Variants in RBM33 observed in about 807,000 individuals in gnomAD.
The protein encoded by RBM33 is RNA-binding protein 33.
In RBM33, 28 loss-of-function variants were observed where a neutral mutation model predicts 132.6. That is an observed-to-expected ratio of 0.21 (90% CI 0.16 to 0.29). The LOEUF is 0.29. Ranked by LOEUF, RBM33 falls within the 10% of genes least tolerant of loss-of-function variation. RBM33 has a pLI of 1.00. For synonymous variants in RBM33, 634 were observed against 593.0 expected, an observed-to-expected ratio of 1.07 and a Z score of -1.01; for missense variants, 1,291 against 1,518.5, an observed-to-expected ratio of 0.85 and a Z score of 2.49.
chr7:155,765,041 T>C (rs908066954), intron 15 of RBM33, among the ~76,000 whole-genome samples: 1 of 152,206 alleles, frequency 6.6e-6, no homozygotes, highest in African/African-American at 2.4e-5. Flanking sequence ...TCAGGTGCCA[T>C]CCCTGAATAT....
intron 13 of RBM33, among the ~76,000 whole-genome samples, chr7:155,742,533 T>G (rs1801383022): frequency 6.6e-6 from 1 of 152,196 alleles, no homozygotes; most frequent in African/African-American, 2.4e-5. Flanking sequence ...TAAAACCAGG[T>G]GGTGGACCGG....
chr7:155,744,617 G>C (rs1801454110), intron 13 of RBM33, among the ~76,000 whole-genome samples: 2 of 152,218 alleles, frequency 1.3e-5, no homozygotes, highest in South Asian at 2.1e-4. Flanking sequence ...GATAAAACCT[G>C]TGTGACAGCA....
intron 5 of RBM33, among the ~76,000 whole-genome samples, chr7:155,687,727 A>G (rs1305226416): frequency 2.6e-5 from 4 of 152,230 alleles, no homozygotes; most frequent in African/African-American, 9.6e-5. Flanking sequence ...CATTTATTAA[A>G]TAGGGGATCC....
intron 1 of RBM33, among the ~76,000 whole-genome samples, chr7:155,648,933 TTC>T (rs1798276307): frequency 6.6e-6 from 1 of 152,228 alleles, no homozygotes. Context: ...GTATTCAAGA[TTC>T]TCTTTGTCTT....
intron 9 of RBM33, among the ~76,000 whole-genome samples, chr7:155,726,932 C>A (rs1294058402): frequency 6.6e-6 from 1 of 152,134 alleles, no homozygotes. Context: ...CTCTGTAAAA[C>A]CTGAGTTTCT....
At chr7:155,698,165 G>A (rs1027707677) in intron 5 of RBM33, among the ~76,000 whole-genome samples, 4 of 152,100 alleles carry the variant, frequency 2.6e-5, no homozygotes, top group African/African-American at 9.7e-5. Flanking sequence ...TCAGGATTTT[G>A]AGACCAGCCT....
At position 155,738,041 on chromosome 7, in the gene RBM33, ATGT is replaced by A; in HGVS notation, c.1394-15_1394-13del. On this transcript the variant is annotated splice_polypyrimidine_tract_variant and intron_variant, in intron 10 of 17. Transcript: ENST00000401878. ...TGGTCTTTTTAACCTGAAGTTAATG[ATGT>A]TGTGTTACCTTTCAGTTTCAGGTGA... 1.3e-6 allele frequency: 2 copies of A among 1,596,442 alleles called. No homozygotes were observed. The highest frequency in any genetic ancestry group is 1.7e-6 in the Non-Finnish European group (2 of 1,166,674).
At chr7:155,746,409 C>CATAGAA (rs1801518048) in intron 14 of RBM33, 1 of 151,644 alleles carries the variant, frequency 6.6e-6, no homozygotes, top group African/African-American at 2.4e-5. Flanking sequence ...GAATTGAAGT[C>CATAGAA]CTGTATGCTC....
chr7:155,684,824 G>T, intron 5 of RBM33: 1 of 1,285,122 alleles, frequency 7.8e-7, no homozygotes, highest in Non-Finnish European at 1.1e-6. Context: ...AATCACCATA[G>T]TAAAACTTTC....
rs567329717 is a variant in RBM33 at position 155,699,452 on chromosome 7, G to A, written c.568-1321G>A. Among the ~76,000 whole-genome samples the A allele has an allele frequency of 2.0e-5, 3 of 152,334 alleles. No individual in the cohort carries two copies. The South Asian group carries it at 6.2e-4, about 32-fold the overall frequency. On this transcript the variant is annotated intron_variant, in intron 5 of 17. Coordinates refer to ENST00000401878, the MANE Select transcript of RBM33 (RefSeq NM_053043.3). ...TCCTAAGGAAGCTGGCTTTGGTTCT[G>A]TTGGGAAGTGTGGTGCAGCACGTAC...
intron 2 of RBM33, among the ~76,000 whole-genome samples, chr7:155,669,076 A>G (rs531628726): frequency 6.6e-5 from 10 of 152,126 alleles, no homozygotes; most frequent in Non-Finnish European, 1.5e-4. Flanking sequence ...ACGTGTTTGC[A>G]TCTATGAAGC....
chr7:155,665,286 G>A (rs966161156), intron 2 of RBM33, 33 bp downstream of exon 2: 2 of 1,586,278 alleles, frequency 1.3e-6, no homozygotes, highest in African/African-American at 1.3e-5. Flanking sequence ...CTAACTGCCT[G>A]TGCCGATCTC....
chr7:155,661,019 C>G (rs1009618063), intron 1 of RBM33, among the ~76,000 whole-genome samples: 9 of 151,498 alleles, frequency 5.9e-5, no homozygotes, highest in South Asian at 2.1e-4. Context: ...CTGAGCCCCT[C>G]TAATGAACTC....
At chr7:155,669,480 G>A (rs1002184255) in intron 2 of RBM33, among the ~76,000 whole-genome samples, 3 of 152,130 alleles carry the variant, frequency 2.0e-5, no homozygotes, top group African/African-American at 7.2e-5. Context: ...AGTCTCCCGA[G>A]TAGCCGGGAT....
At chr7:155,672,770 C>T (rs1468411113) in intron 2 of RBM33, 97 bp from the exon 3 acceptor site, 8 of 639,040 alleles carry the variant, frequency 1.3e-5, no homozygotes, top group Middle Eastern at 3.4e-4. Context: ...AAAAAAGGTA[C>T]CTGAGCTGTA....
chr7:155,662,212 T>A (rs1798671448), intron 1 of RBM33, among the ~76,000 whole-genome samples: 1 of 152,166 alleles, frequency 6.6e-6, no homozygotes, highest in Non-Finnish European at 1.5e-5. Flanking sequence ...CTCTGGGGCA[T>A]AAATTGCTTT....
At chr7:155,759,412 G>GTTTTTTTT (rs1801955596) in intron 14 of RBM33, among the ~76,000 whole-genome samples, 2 of 128,652 alleles carry the variant, frequency 1.6e-5, no homozygotes, top group Admixed American at 7.6e-5. Context: ...CAATGTTTAT[G>GTTTTTTTT]TTCTTTTTTT....
chr7:155,737,771 G>A, intron 10 of RBM33, 109 bp downstream of exon 10: 1 of 1,259,822 alleles, frequency 7.9e-7, no homozygotes, highest in Non-Finnish European at 1.1e-6. Context: ...GAGATGTTAG[G>A]AATGCCAGGT....
chr7:155,646,479 C>T (rs1454319499), intron 1 of RBM33, among the ~76,000 whole-genome samples: 2 of 152,170 alleles, frequency 1.3e-5, no homozygotes, highest in Admixed American at 6.5e-5. Flanking sequence ...TACCAAACTC[C>T]TTGCCAAGAT....
Sources: gnomAD v4.1 joint callset for allele counts (sites outside exome capture counted in the v4.1 genomes callset) on GRCh38, gnomAD v4.1.1 for gene constraint, MANE v1.5 for transcripts, NCBI Gene and HGNC (gene_info 2026-07-23, HGNC 2026-07-21) for gene names.